Variants in TMEM117 observed in about 807,000 individuals in gnomAD.
TMEM117 encodes the protein transmembrane protein 117.
A neutral mutation model predicts 52.4 loss-of-function variants in TMEM117; 27 were observed. That is an observed-to-expected ratio of 0.51 (90% CI 0.38 to 0.71). The LOEUF is 0.71. Among genes scored for constraint, TMEM117 ranks in the 30% least tolerant of loss-of-function variants. The pLI, the probability that TMEM117 is intolerant of heterozygous loss-of-function variation, is 0.00. For synonymous variants in TMEM117, 215 were observed against 206.3 expected (o/e 1.04, Z -0.36); for missense variants, 556 against 630.5 (o/e 0.88, Z 1.26).
At chr12:44,022,309 C>T (rs1178653569) in intron 3 of TMEM117, among the ~76,000 whole-genome samples, 3 of 152,108 alleles carry the variant, frequency 2.0e-5, no homozygotes, top group African/African-American at 7.2e-5. Context: ...ACAAAGGTGA[C>T]AGAAAGGCTG....
At chr12:44,292,481 A>G (rs997947049) in intron 5 of TMEM117, among the ~76,000 whole-genome samples, 1 of 151,780 alleles carries the variant, frequency 6.6e-6, no homozygotes, top group Non-Finnish European at 1.5e-5. Flanking sequence ...GTTACATCCT[A>G]TCTTCTACTA....
At chr12:44,181,874 T>C (rs1949204940) in intron 4 of TMEM117, among the ~76,000 whole-genome samples, 1 of 151,956 alleles carries the variant, frequency 6.6e-6, no homozygotes, top group Admixed American at 6.6e-5. Flanking sequence ...AAAGTAGTTT[T>C]TTCCAATTCT....
chr12:44,317,151 G>C (rs993550661), intron 6 of TMEM117, among the ~76,000 whole-genome samples: 1 of 150,372 alleles, frequency 6.7e-6, no homozygotes, highest in Non-Finnish European at 1.5e-5. Context: ...CTTTGGTGGA[G>C]TCACAATATT....
At chr12:44,359,200 A>AT (rs1313522415) in intron 6 of TMEM117, among the ~76,000 whole-genome samples, 2 of 151,866 alleles carry the variant, frequency 1.3e-5, no homozygotes, top group Non-Finnish European at 1.5e-5. Context: ...TTAAAGGGAG[A>AT]TTTAAGGCAA....
Position 44,389,064 on chromosome 12 carries a change from AT to A in TMEM117, c.*393del. ...AACCTATTTCACATGGGCGTTTTGTATACAACTATTTTGATCTACACTTGAT... is the reference window on the plus strand; with the variant it reads ...AACCTATTTCACATGGGCGTTTTGTAACAACTATTTTGATCTACACTTGAT... On this transcript the variant is annotated 3_prime_UTR_variant, in exon 8 of 8. Transcript: ENST00000266534. The A allele has an allele frequency of 1.2e-5, 2 of 161,304 alleles. No individual in the cohort carries two copies. Among genetic ancestry groups the A allele is most frequent in the Non-Finnish European group, 2.7e-5 (2 of 73,362 alleles). The allele number at this position is 161,304 out of a possible 1,614,324, so 10.0% of individuals were successfully genotyped here. A position where few individuals can be genotyped will look rare whatever the true frequency, so the allele number is the denominator to read the frequency against.
intron 4 of TMEM117, among the ~76,000 whole-genome samples, chr12:44,194,708 G>T (rs1182906649): frequency 6.6e-6 from 1 of 152,102 alleles, no homozygotes; most frequent in Non-Finnish European, 1.5e-5. Context: ...GCACACACCT[G>T]TAGTCCCAGC....
rs147320878 is a variant in TMEM117 at position 44,300,907 on chromosome 12, C to T, written c.768+1168C>T. On this transcript the variant is annotated intron_variant, in intron 6 of 7. Transcript: ENST00000266534. ...ATCTGCCTGTCACTAAGCTGTAGGA[C>T]GTCCCATGGGTATCTACAGAATTGA... 3.5e-4 allele frequency among the ~76,000 whole-genome samples: 54 copies of T among 152,288 alleles called. No homozygotes were observed. The East Asian group carries it at 7.1e-3, about 20-fold the overall frequency.
intron 3 of TMEM117, among the ~76,000 whole-genome samples, chr12:44,034,090 C>T (rs1946675245): frequency 6.6e-6 from 1 of 152,118 alleles, no homozygotes; most frequent in Non-Finnish European, 1.5e-5. Context: ...TTCTAAGTCC[C>T]TCAACAAAAG....
chr12:43,806,249 G>A, the TMEM117 span: 49 of 1,526,088 alleles, frequency 3.2e-5, no homozygotes, highest in Non-Finnish European at 3.8e-5. Context: ...GGGACATGGC[G>A]GCGGCCGCTA....
rs545657253 is a variant in TMEM117 at position 43,846,509 on chromosome 12, C to T, written c.277+1581C>T. Among the ~76,000 whole-genome samples, 185 of 152,220 alleles carry T rather than the reference C, an allele frequency of 1.2e-3. 1 individual carries two copies. The highest frequency in any genetic ancestry group is 4.4e-3 in the African/African-American group (182 of 41,520). On this transcript the variant is annotated intron_variant, in intron 2 of 7. Coordinates refer to ENST00000266534, the MANE Select transcript of TMEM117 (RefSeq NM_032256.3). ...CCACCTCTGAACTAACCGATTTTTGCCTAGAGGTAGGTGGTATTTATTCAA... is the reference window on the plus strand; with the variant it reads ...CCACCTCTGAACTAACCGATTTTTGTCTAGAGGTAGGTGGTATTTATTCAA...
At chr12:44,028,239 A>G (rs902965981) in intron 3 of TMEM117, among the ~76,000 whole-genome samples, 3 of 150,988 alleles carry the variant, frequency 2.0e-5, no homozygotes, top group African/African-American at 7.3e-5. Context: ...TTTTAAAGGC[A>G]TTAAAACCCT....
chr12:43,995,047 C>T (rs374491882), intron 3 of TMEM117, among the ~76,000 whole-genome samples: 32 of 151,940 alleles, frequency 2.1e-4, no homozygotes, highest in Middle Eastern at 3.4e-3. Context: ...GAGGCTGAGG[C>T]GGGTGGATCA....
chr12:44,285,602 T>C (rs2138607115), intron 5 of TMEM117, among the ~76,000 whole-genome samples: 1 of 152,332 alleles, frequency 6.6e-6, no homozygotes, highest in Non-Finnish European at 1.5e-5. Context: ...AATCACTTCC[T>C]TCCCTACTTC....
chr12:43,937,993 C>A (rs193088027), intron 2 of TMEM117, among the ~76,000 whole-genome samples: 1 of 151,948 alleles, frequency 6.6e-6, no homozygotes, highest in Non-Finnish European at 1.5e-5. Flanking sequence ...CTTTATTTTG[C>A]GGCTTGTGCT....
At chr12:44,050,098 T>G (rs1946945825) in intron 3 of TMEM117, among the ~76,000 whole-genome samples, 2 of 152,182 alleles carry the variant, frequency 1.3e-5, no homozygotes, top group African/African-American at 4.8e-5. Context: ...GGGTAGGAGC[T>G]CAACACGTGA....
chr12:43,862,632 A>G (rs917345909), intron 2 of TMEM117, among the ~76,000 whole-genome samples: 13 of 152,236 alleles, frequency 8.5e-5, no homozygotes, highest in Non-Finnish European at 4.4e-5. Context: ...GATATAGTCT[A>G]TAAACAAAAC....
intron 3 of TMEM117, among the ~76,000 whole-genome samples, chr12:44,000,108 G>A (rs1169581083): frequency 6.6e-6 from 1 of 152,154 alleles, no homozygotes; most frequent in Non-Finnish European, 1.5e-5. Flanking sequence ...TTCCTTCCCA[G>A]CCTTTCCTCC....
chr12:44,123,594 GGTCCA>G (rs1948273263), intron 3 of TMEM117, among the ~76,000 whole-genome samples: 1 of 152,050 alleles, frequency 6.6e-6, no homozygotes. Flanking sequence ...GTAAGGAAGG[GGTCCA>G]GTTTCAATTT....
At chr12:43,857,207 A>G (rs143382321) in intron 2 of TMEM117, among the ~76,000 whole-genome samples, 1,613 of 152,312 alleles carry the variant, frequency 0.011, 19 homozygotes, top group East Asian at 0.046. Flanking sequence ...TTCCCCTAGG[A>G]CAGAGGATAC....
Sources: allele counts gnomAD v4.1 joint callset (sites outside exome capture counted in the v4.1 genomes callset), GRCh38; gene constraint gnomAD v4.1.1; transcripts MANE v1.5; gene names NCBI Gene and HGNC (gene_info 2026-07-23, HGNC 2026-07-21).